Variants in CCDC91 observed in about 807,000 individuals in gnomAD.
CCDC91 encodes the protein coiled-coil domain containing 91.
In CCDC91, 48 loss-of-function variants were observed where a neutral mutation model predicts 63.2. The ratio of observed to expected loss-of-function variants is 0.76; its 90% CI spans 0.60 to 0.97. The LOEUF is 0.97. CCDC91 is among the 50% of genes least tolerant of loss of function. CCDC91 has a pLI of 0.00. For missense variants in CCDC91, 500 were observed against 494.6 expected, an observed-to-expected ratio of 1.01 and a Z score of -0.10; for synonymous variants, 167 against 165.8, an observed-to-expected ratio of 1.01 and a Z score of -0.06.
chr12:28,541,987 A>G (rs1270189167), intron 12 of CCDC91, among the ~76,000 whole-genome samples: 1 of 152,104 alleles, frequency 6.6e-6, no homozygotes, highest in East Asian at 1.9e-4. Context: ...TTTCTCTAAA[A>G]TTCTAAATCT....
chr12:28,235,829 G>A (rs1397962011), intron 1 of CCDC91, among the ~76,000 whole-genome samples: 2 of 151,848 alleles, frequency 1.3e-5, no homozygotes, highest in South Asian at 2.1e-4. Context: ...TAAGCTGTGC[G>A]TAGTGTTATT....
intron 12 of CCDC91, among the ~76,000 whole-genome samples, chr12:28,518,435 GA>G (rs1417900423): frequency 6.6e-6 from 1 of 151,704 alleles, no homozygotes; most frequent in African/African-American, 2.4e-5. Context: ...ATGTTCTTTT[GA>G]TAATTGTGTA....
At chr12:28,390,416 A>T (rs1014274901) in intron 7 of CCDC91, among the ~76,000 whole-genome samples, 1 of 152,128 alleles carries the variant, frequency 6.6e-6, no homozygotes, top group Non-Finnish European at 1.5e-5. Context: ...AATATTTGCT[A>T]GAGTTCTTAT....
At chr12:28,477,960 A>AG (rs1951206638) in intron 11 of CCDC91, among the ~76,000 whole-genome samples, 1 of 151,230 alleles carries the variant, frequency 6.6e-6, no homozygotes, top group Non-Finnish European at 1.5e-5. Context: ...AACGAAATAA[A>AG]AGGATACAAA....
chr12:28,278,561 G>A (rs911039200), intron 3 of CCDC91, among the ~76,000 whole-genome samples: 6 of 152,064 alleles, frequency 3.9e-5, no homozygotes, highest in Admixed American at 3.9e-4. Flanking sequence ...GCATAAGCCA[G>A]ATAACTACCT....
intron 8 of CCDC91, among the ~76,000 whole-genome samples, chr12:28,404,523 T>G (rs530257471): frequency 2.6e-5 from 4 of 152,148 alleles, no homozygotes; most frequent in South Asian, 4.1e-4. Context: ...GATCTTGGTG[T>G]TGTTGAGTTC....
In CCDC91 at chr12:28,257,252, A is replaced by G. The variant is rs1946516054; in HGVS notation, c.30+7A>G. Reference sequence around the variant, plus strand: ...TGATTTTGGTGGTTTTGAGGTATGCACTGTTATTTACATTAGTTTGTTTTA... The same window carrying G: ...TGATTTTGGTGGTTTTGAGGTATGCGCTGTTATTTACATTAGTTTGTTTTA... On this transcript the variant is annotated splice_region_variant and intron_variant, in intron 2 of 12. Transcript: ENST00000536442. 3 of 1,594,594 alleles carry G rather than the reference A, an allele frequency of 1.9e-6. No homozygotes were observed. The Admixed American group carries it at 5.0e-5, about 27-fold the overall frequency.
intron 12 of CCDC91, among the ~76,000 whole-genome samples, chr12:28,497,565 A>G (rs931587671): frequency 5.3e-5 from 8 of 151,506 alleles, no homozygotes; most frequent in Admixed American, 1.3e-4. Flanking sequence ...TTTTTTTCCA[A>G]TGTGGATGAT....
chr12:28,490,640 G>C lies in CCDC91; in HGVS notation c.1215+6475G>C, dbSNP rs111519713. Among the ~76,000 whole-genome samples the C allele has an allele frequency of 4.6e-5, 7 of 151,888 alleles. No individual in the cohort carries two copies. The South Asian group carries it at 1.0e-3, about 23-fold the overall frequency. On this transcript the variant is annotated intron_variant, in intron 12 of 12. Transcript: ENST00000536442. ...TGATGTGAAAGAGAGGTTAGTGAAG[G>C]CAATGAAGTAAACAGATTTTAAAGG...
chr12:28,230,469 G>C (rs1021483200), intron 1 of CCDC91, among the ~76,000 whole-genome samples: 1 of 152,058 alleles, frequency 6.6e-6, no homozygotes, highest in African/African-American at 2.4e-5. Context: ...GAAATGGTGT[G>C]GTTGCAATAG....
chr12:28,412,394 G>A (rs1226859345), intron 8 of CCDC91, among the ~76,000 whole-genome samples: 3 of 152,200 alleles, frequency 2.0e-5, no homozygotes, highest in African/African-American at 7.2e-5. Context: ...TTAAGAAGAA[G>A]CAGATACAGG....
chr12:28,399,706 C>T (rs1946501078), intron 8 of CCDC91, among the ~76,000 whole-genome samples: 1 of 152,112 alleles, frequency 6.6e-6, no homozygotes, highest in Non-Finnish European at 1.5e-5. Flanking sequence ...GAGAAATTGG[C>T]AAAAATAAAG....
chr12:28,333,254 G>T (rs1941653118), intron 6 of CCDC91, among the ~76,000 whole-genome samples: 1 of 151,934 alleles, frequency 6.6e-6, no homozygotes, highest in Admixed American at 6.6e-5. Flanking sequence ...AATTAGCCAG[G>T]AGTGGTGGCA....
At chr12:28,307,321 C>T (rs1484845644) in intron 5 of CCDC91, among the ~76,000 whole-genome samples, 1 of 151,864 alleles carries the variant, frequency 6.6e-6, no homozygotes, top group Non-Finnish European at 1.5e-5. Flanking sequence ...GGTATACAGC[C>T]ATTTTAGTAA....
chr12:28,276,764 G>T (rs184761831), intron 3 of CCDC91, among the ~76,000 whole-genome samples: 1 of 151,734 alleles, frequency 6.6e-6, no homozygotes, highest in Non-Finnish European at 1.5e-5. Context: ...TTATTGTTTT[G>T]CCCATTGTGA....
chr12:28,256,013 G>T (rs1319361108), intron 1 of CCDC91: 2 of 152,066 alleles, frequency 1.3e-5, no homozygotes, highest in Non-Finnish European at 1.5e-5. Flanking sequence ...AGTGGGAAAG[G>T]ATTGTTTTCC....
At chr12:28,382,223 A>G (rs1945337651) in intron 7 of CCDC91, among the ~76,000 whole-genome samples, 1 of 151,908 alleles carries the variant, frequency 6.6e-6, no homozygotes, top group African/African-American at 2.4e-5. Flanking sequence ...AAAAGTTCTA[A>G]TCTTTGAGAT....
At chr12:28,431,405 T>C (rs1592654331) in intron 8 of CCDC91, among the ~76,000 whole-genome samples, 1 of 152,158 alleles carries the variant, frequency 6.6e-6, no homozygotes, top group East Asian at 1.9e-4. Flanking sequence ...TATGAAGTTA[T>C]GTTATTAGGT....
At chr12:28,393,901 A>T (rs1863274397) in intron 8 of CCDC91, among the ~76,000 whole-genome samples, 1 of 152,216 alleles carries the variant, frequency 6.6e-6, no homozygotes, top group Admixed American at 6.5e-5. Context: ...AGATTAACAC[A>T]TGAAAATCAG....
Sources: gnomAD v4.1 joint callset for allele counts (sites outside exome capture counted in the v4.1 genomes callset) on GRCh38, gnomAD v4.1.1 for gene constraint, MANE v1.5 for transcripts, NCBI Gene and HGNC (gene_info 2026-07-23, HGNC 2026-07-21) for gene names.